The following ADARB2 variants were observed in gnomAD, a reference collection of about 807,000 sequenced individuals.
The protein encoded by ADARB2 is adenosine deaminase RNA specific B2 (inactive).
ADARB2 carries 25 observed loss-of-function variants against 62.2 expected under a neutral mutation model. The observed-to-expected ratio is 0.40, with a 90% CI of 0.29 to 0.56. ADARB2 has a LOEUF of 0.56. Among genes scored for constraint, ADARB2 ranks in the 20% least tolerant of loss-of-function variants. The probability of loss-of-function intolerance (pLI) is 0.43; values close to 1 mark genes in which losing one functional copy is unlikely to be tolerated. For missense variants in ADARB2, 1,071 were observed against 1,077.4 expected (o/e 0.99, Z 0.08); for synonymous variants, 572 against 500.8 (o/e 1.14, Z -1.90).
At chr10:1,522,185 T>C (rs1463511047) in intron 1 of ADARB2, among the ~76,000 whole-genome samples, 9 of 152,122 alleles carry the variant, frequency 5.9e-5, no homozygotes, top group African/African-American at 1.2e-4. Flanking sequence ...ATTGTCAGAG[T>C]TGCTAAAATA....
chr10:1,263,736 C>G lies in ADARB2; in HGVS notation c.1192+7219G>C, dbSNP rs113422062. 2.1e-4 allele frequency among the ~76,000 whole-genome samples: 32 copies of G among 152,202 alleles called. 1 individual carries two copies. Among genetic ancestry groups the G allele is most frequent in the Admixed American group, 2.1e-3 (32 of 15,282 alleles). On this transcript the variant is annotated intron_variant, in intron 4 of 9. Coordinates refer to ENST00000381312, the MANE Select transcript of ADARB2 (RefSeq NM_018702.4). ...GAAGGCATTTGGTGAGGATTTAACT[C>G]ACGGCCAGGGCTGCCAGTCCTCTCC...
intron 1 of ADARB2, among the ~76,000 whole-genome samples, chr10:1,437,133 A>C (rs1830842315): frequency 6.6e-6 from 1 of 152,222 alleles, no homozygotes; most frequent in Non-Finnish European, 1.5e-5. Flanking sequence ...ACTTCACTAA[A>C]ATAAATTTTA....
At chr10:1,571,599 C>T (rs1268897703) in intron 1 of ADARB2, among the ~76,000 whole-genome samples, 1 of 152,242 alleles carries the variant, frequency 6.6e-6, no homozygotes, top group Non-Finnish European at 1.5e-5. Flanking sequence ...TCTCCCCTTT[C>T]ATTTAGTTGC....
At chr10:1,271,156 C>T (rs752884624) in intron 3 of ADARB2, 87 bp from the exon 4 acceptor site, 7 of 1,104,170 alleles carry the variant, frequency 6.3e-6, no homozygotes, top group Non-Finnish European at 9.3e-6. Flanking sequence ...TCCTCACAGC[C>T]TCATCCCCAT....
intron 1 of ADARB2, among the ~76,000 whole-genome samples, chr10:1,565,710 C>T (rs1367226253): frequency 5.3e-5 from 8 of 152,230 alleles, no homozygotes; most frequent in South Asian, 4.2e-4. Flanking sequence ...CAATTTGTCC[C>T]GGCTGACTAT....
At chr10:1,290,570 A>G (rs746086915) in intron 3 of ADARB2, 3 of 152,246 alleles carry the variant, frequency 2.0e-5, no homozygotes, top group Admixed American at 6.5e-5. Context: ...GCTCCTGACC[A>G]CAATGTTAGA....
At chr10:1,635,914 A>G (rs1344672308) in intron 1 of ADARB2, among the ~76,000 whole-genome samples, 1 of 152,138 alleles carries the variant, frequency 6.6e-6, no homozygotes, top group Non-Finnish European at 1.5e-5. Context: ...TCTCTGGAAC[A>G]CTGTGCAGAA....
intron 2 of ADARB2, among the ~76,000 whole-genome samples, chr10:1,365,288 G>A (rs939357770): frequency 1.3e-5 from 2 of 152,008 alleles, no homozygotes; most frequent in South Asian, 2.1e-4. Context: ...GTCATGGATC[G>A]CACCCACTTA....
At chr10:1,716,379 A>T (rs1471553205) in intron 1 of ADARB2, among the ~76,000 whole-genome samples, 1 of 152,264 alleles carries the variant, frequency 6.6e-6, no homozygotes, top group African/African-American at 2.4e-5. Context: ...GACAATAGAC[A>T]TTTCAGACAA....
At chr10:1,350,646 A>G (rs567580009) in intron 3 of ADARB2, among the ~76,000 whole-genome samples, 1 of 152,330 alleles carries the variant, frequency 6.6e-6, no homozygotes, top group African/African-American at 2.4e-5. Context: ...TTCATCAAAT[A>G]TAAAAATCCA....
intron 1 of ADARB2, among the ~76,000 whole-genome samples, chr10:1,568,099 C>T (rs994984759): frequency 2.0e-5 from 3 of 152,206 alleles, no homozygotes; most frequent in African/African-American, 7.2e-5. Context: ...TCTCAGTGAC[C>T]AGTGAGAGAC....
At chr10:1,557,033 A>T in intron 1 of ADARB2, 2 of 363,014 alleles carry the variant, frequency 5.5e-6, no homozygotes, top group South Asian at 4.2e-5. Flanking sequence ...TGTGGTCATC[A>T]CCAAAACCTG....
intron 1 of ADARB2, among the ~76,000 whole-genome samples, chr10:1,630,621 A>G (rs186109532): frequency 2.0e-3 from 312 of 152,310 alleles, no homozygotes; most frequent in Non-Finnish European, 3.7e-3. Flanking sequence ...TGGCGACTCT[A>G]TGAATGCCTC....
chr10:1,399,155 CT>C (rs533287310), intron 1 of ADARB2, among the ~76,000 whole-genome samples: 54 of 152,330 alleles, frequency 3.5e-4, no homozygotes, highest in African/African-American at 1.3e-3. Context: ...CTGACTCCCC[CT>C]GGCCGCCTAC....
chr10:1,213,803 G>A (rs1837193077), intron 7 of ADARB2, among the ~76,000 whole-genome samples: 1 of 152,208 alleles, frequency 6.6e-6, no homozygotes, highest in Non-Finnish European at 1.5e-5. Flanking sequence ...AGACAACCCT[G>A]CCCCTTGAGT....
intron 3 of ADARB2, among the ~76,000 whole-genome samples, chr10:1,314,385 G>GGGGCCCTAAGTCAGCAGAC (rs1331148062): frequency 6.6e-6 from 1 of 152,086 alleles, no homozygotes; most frequent in Non-Finnish European, 1.5e-5. Flanking sequence ...ACTATAGCTG[G>GGGGCCCTAAGTCAGCAGAC]GGGCCCTAAG....
chr10:1,215,136 C>T (rs1837216980), intron 7 of ADARB2, among the ~76,000 whole-genome samples: 1 of 152,186 alleles, frequency 6.6e-6, no homozygotes, highest in Non-Finnish European at 1.5e-5. Context: ...CCCCCCTGAC[C>T]TCCAGCCCCT....
At chr10:1,529,442 C>T (rs1832192685) in intron 1 of ADARB2, among the ~76,000 whole-genome samples, 1 of 152,126 alleles carries the variant, frequency 6.6e-6, no homozygotes, top group Non-Finnish European at 1.5e-5. Flanking sequence ...AATCTGACTC[C>T]CTGGGGTCAT....
intron 2 of ADARB2, among the ~76,000 whole-genome samples, chr10:1,367,801 T>G (rs962261252): frequency 6.6e-6 from 1 of 152,226 alleles, no homozygotes; most frequent in Non-Finnish European, 1.5e-5. Context: ...CTTTGCTGGA[T>G]CTCAGATCAG....
Sources: gnomAD v4.1 joint callset for allele counts (sites outside exome capture counted in the v4.1 genomes callset) on GRCh38, gnomAD v4.1.1 for gene constraint, MANE v1.5 for transcripts, NCBI Gene and HGNC (gene_info 2026-07-23, HGNC 2026-07-21) for gene names.